The following FAF1 variants were observed in gnomAD, a reference collection of about 807,000 sequenced individuals.
FAF1 encodes the protein FAS-associated factor 1.
FAF1 carries 25 observed loss-of-function variants against 92.5 expected under a neutral mutation model. The ratio of observed to expected loss-of-function variants is 0.27; its 90% CI spans 0.20 to 0.38. The LOEUF is 0.38. Ranked by LOEUF, FAF1 falls within the 10% of genes least tolerant of loss-of-function variation. The pLI is 1.00. For missense variants in FAF1, 636 were observed against 793.3 expected (o/e 0.80, Z 2.38); for synonymous variants, 234 against 273.2 (o/e 0.86, Z 1.42).
At chr1:50,485,134 T>A (rs72898937) in intron 17 of FAF1, among the ~76,000 whole-genome samples, 26,147 of 151,596 alleles carry the variant, frequency 0.17, 2,413 homozygotes, top group African/African-American at 0.23. Context: ...TATTATTATT[T>A]TTTTTAAATA....
intron 1 of FAF1, among the ~76,000 whole-genome samples, chr1:50,936,768 A>G (rs963046571): frequency 3.3e-5 from 5 of 152,224 alleles, no homozygotes; most frequent in African/African-American, 1.2e-4. Context: ...AAAAGGGGAC[A>G]GGACAGACTC....
chr1:50,506,787 G>A (rs183374271), intron 15 of FAF1, among the ~76,000 whole-genome samples: 1 of 152,074 alleles, frequency 6.6e-6, no homozygotes, highest in East Asian at 1.9e-4. Context: ...ACAGAAAAGA[G>A]GAAAGAAAAG....
intron 8 of FAF1, among the ~76,000 whole-genome samples, chr1:50,608,567 C>T (rs1048047525): frequency 1.7e-4 from 26 of 152,108 alleles, no homozygotes; most frequent in African/African-American, 5.1e-4. Context: ...ATGAGTACAA[C>T]GGATGAGGGG....
chr1:50,895,863 A>C lies in FAF1; in HGVS notation c.46-37866T>G, dbSNP rs183068660. Among the ~76,000 whole-genome samples the C allele has an allele frequency of 7.2e-5, 11 of 152,272 alleles. No individual in the cohort carries two copies. The East Asian group carries it at 1.7e-3, about 24-fold the overall frequency. ...ACATCCCTTCATGATTTTAAAAAAA[A>C]AGCCTCAACACACTGGGTATAGAGA... On this transcript the variant is annotated intron_variant, in intron 1 of 18. Transcript: ENST00000396153.
At chr1:50,890,011 T>C (rs1409013524) in intron 1 of FAF1, among the ~76,000 whole-genome samples, 1 of 152,226 alleles carries the variant, frequency 6.6e-6, no homozygotes, top group Non-Finnish European at 1.5e-5. Context: ...AGTCTCTTTG[T>C]AGGTCTCTAA....
intron 15 of FAF1, among the ~76,000 whole-genome samples, chr1:50,515,451 T>C (rs1647205253): frequency 6.6e-6 from 1 of 152,172 alleles, no homozygotes; most frequent in African/African-American, 2.4e-5. Context: ...ACAGACTCTC[T>C]GGCCCACCTG....
At position 50,848,149 on chromosome 1, in the gene FAF1, T is replaced by TAA. The variant is rs569566013; in HGVS notation, c.114+9778_114+9779dup. On this transcript the variant is annotated intron_variant, in intron 2 of 18. Coordinates refer to ENST00000396153, the MANE Select transcript of FAF1 (RefSeq NM_007051.3). ...CTTAAACTTATACCAAAAAATAATTTAAAAAAAACAATGGAAATAAAACAA... is the reference window on the plus strand; with the variant it reads ...CTTAAACTTATACCAAAAAATAATTTAAAAAAAAAACAATGGAAATAAAACAA... 2.0e-3 allele frequency among the ~76,000 whole-genome samples: 301 copies of TAA among 151,892 alleles called. 1 individual carries two copies. The highest frequency in any genetic ancestry group is 6.6e-3 in the African/African-American group (273 of 41,422).
At chr1:50,473,816 T>C (rs1178426117) in intron 18 of FAF1, among the ~76,000 whole-genome samples, 2 of 152,208 alleles carry the variant, frequency 1.3e-5, no homozygotes, top group African/African-American at 4.8e-5. Context: ...GGGATATTAC[T>C]AGTTTCTGTC....
At chr1:50,929,855 A>G (rs999891663) in intron 1 of FAF1, among the ~76,000 whole-genome samples, 1 of 152,248 alleles carries the variant, frequency 6.6e-6, no homozygotes, top group Non-Finnish European at 1.5e-5. Flanking sequence ...GCTATAACTT[A>G]TAAGTATTCT....
At chr1:50,813,536 C>T (rs1643937582) in intron 2 of FAF1, among the ~76,000 whole-genome samples, 1 of 152,126 alleles carries the variant, frequency 6.6e-6, no homozygotes, top group African/African-American at 2.4e-5. Context: ...TCATAGCTCA[C>T]TGCAGCCTCA....
chr1:50,707,955 G>A (rs1045127502), intron 6 of FAF1, among the ~76,000 whole-genome samples: 39 of 152,028 alleles, frequency 2.6e-4, no homozygotes, highest in Non-Finnish European at 3.2e-4. Context: ...AAGGAGCTGC[G>A]TGCGCCACCA....
intron 2 of FAF1, chr1:50,846,562 A>G (rs778503570): frequency 2.3e-5 from 12 of 520,272 alleles, no homozygotes; most frequent in African/African-American, 7.7e-5. Context: ...TGATGGAAAA[A>G]GGAGCAATAG....
chr1:50,697,202 G>A (rs1343031251), intron 7 of FAF1, among the ~76,000 whole-genome samples: 1 of 152,142 alleles, frequency 6.6e-6, no homozygotes, highest in Admixed American at 6.5e-5. Context: ...CACTACTTTA[G>A]TGACCAATAA....
chr1:50,717,172 T>C (rs1158129117), intron 6 of FAF1, among the ~76,000 whole-genome samples: 1 of 152,188 alleles, frequency 6.6e-6, no homozygotes, highest in African/African-American at 2.4e-5. Context: ...ACACAATACC[T>C]GGGCTTCAGG....
At chr1:50,464,955 C>G (rs1646476073) in intron 18 of FAF1, among the ~76,000 whole-genome samples, 2 of 152,208 alleles carry the variant, frequency 1.3e-5, no homozygotes, top group African/African-American at 4.8e-5. Flanking sequence ...CATTGGTAAC[C>G]TTTACATCCA....
intron 4 of FAF1, among the ~76,000 whole-genome samples, chr1:50,786,417 A>G (rs915632086): frequency 2.0e-5 from 3 of 152,232 alleles, no homozygotes; most frequent in Non-Finnish European, 4.4e-5. Flanking sequence ...TTACAGAAAC[A>G]GAAGATAGAA....
intron 6 of FAF1, chr1:50,714,908 T>C (rs1270679598): frequency 3.0e-6 from 1 of 334,664 alleles, no homozygotes; most frequent in Non-Finnish European, 5.9e-6. Context: ...GTGTCCTGAG[T>C]CCAGACAAAT....
rs1656464581 is a variant in FAF1, at chr1:50,682,423, A to G, written c.657+23363T>C. 5.9e-5 allele frequency among the ~76,000 whole-genome samples: 9 copies of G among 152,254 alleles called. No homozygotes were observed. In the South Asian group the frequency reaches 1.9e-3, roughly 32 times the overall value. On this transcript the variant is annotated intron_variant, in intron 7 of 18. Transcript: ENST00000396153. ...GAGGCTGAGGTGGGAGAACTGATTGATTGAGCAGGGAGATTGAGGTTGCAG... is the reference window on the plus strand; with the variant it reads ...GAGGCTGAGGTGGGAGAACTGATTGGTTGAGCAGGGAGATTGAGGTTGCAG...
intron 17 of FAF1, among the ~76,000 whole-genome samples, chr1:50,476,119 G>T (rs2148999471): frequency 6.6e-6 from 1 of 152,212 alleles, no homozygotes; most frequent in Middle Eastern, 3.4e-3. Flanking sequence ...CAGAATACTG[G>T]ATTATTATGT....
Sources: gnomAD v4.1 joint callset for allele counts (sites outside exome capture counted in the v4.1 genomes callset) on GRCh38, gnomAD v4.1.1 for gene constraint, MANE v1.5 for transcripts, NCBI Gene and HGNC (gene_info 2026-07-23, HGNC 2026-07-21) for gene names.